PDS5A: variants seen among roughly 807,000 people sequenced by gnomAD.
PDS5A encodes sister chromatid cohesion protein PDS5 homolog A.
In PDS5A, 42 loss-of-function variants were observed where a neutral mutation model predicts 167.1. The observed-to-expected ratio is 0.25, with a 90% CI of 0.20 to 0.33. The LOEUF (loss-of-function observed/expected upper bound fraction) is 0.33, where lower values mean the gene tolerates loss of function less well. Among genes scored for constraint, PDS5A ranks in the 10% least tolerant of loss-of-function variants. The pLI, the probability that PDS5A is intolerant of heterozygous loss-of-function variation, is 1.00. For missense variants in PDS5A, 1,033 were observed against 1,605.9 expected, an observed-to-expected ratio of 0.64 and a Z score of 6.10; for synonymous variants, 553 against 554.6, an observed-to-expected ratio of 1.00 and a Z score of 0.04.
intron 16 of PDS5A, among the ~76,000 whole-genome samples, chr4:39,895,272 G>A (rs1045054981): frequency 2.0e-5 from 3 of 150,454 alleles, no homozygotes; most frequent in East Asian, 2.0e-4. Context: ...TAGAGTGCAC[G>A]CACACAAACC....
chr4:39,825,578 T>G (rs1715221397), intron 32 of PDS5A, 90 bp from the exon 33 acceptor site: 3 of 958,510 alleles, frequency 3.1e-6, no homozygotes. Flanking sequence ...AGTTGTTATC[T>G]AAAATCTTTT....
chr4:39,968,836 C>T (rs889241345), intron 2 of PDS5A, among the ~76,000 whole-genome samples: 3 of 151,430 alleles, frequency 2.0e-5, no homozygotes, highest in Admixed American at 6.6e-5. Context: ...AGTGCAGTGG[C>T]GTGATCTCGG....
In PDS5A at chr4:39,914,167, T is replaced by G. The variant is rs73812019; in HGVS notation, c.877-441A>C. ...AAGTTTTGATATACAAATTTGTTTT[T>G]TTTTTTTTTTTTTTGAGGAGTCTTG... is the stretch of plus-strand genomic sequence containing the variant. On this transcript the variant is annotated intron_variant, in intron 8 of 32. Transcript: ENST00000303538. Among the ~76,000 whole-genome samples, 372 of 150,620 alleles carry G rather than the reference T, an allele frequency of 2.5e-3. 1 individual carries two copies. The highest frequency in any genetic ancestry group is 8.6e-3 in the African/African-American group (352 of 40,938).
chr4:39,948,470 G>A (rs560156714), intron 2 of PDS5A, among the ~76,000 whole-genome samples: 2 of 149,464 alleles, frequency 1.3e-5, no homozygotes, highest in African/African-American at 4.9e-5. Flanking sequence ...GTTTATAGGC[G>A]CCTACCACCA....
chr4:39,928,576 T>C (rs28643320), intron 2 of PDS5A, among the ~76,000 whole-genome samples: 24,803 of 152,182 alleles, frequency 0.16, 2,148 homozygotes, highest in East Asian at 0.29. Context: ...AAAATTGCTA[T>C]TTCATTTCAT....
chr4:39,957,077 C>T (rs1214030751), intron 2 of PDS5A, among the ~76,000 whole-genome samples: 1 of 152,150 alleles, frequency 6.6e-6, no homozygotes, highest in African/African-American at 2.4e-5. Context: ...CAATGATTTT[C>T]TTTTCACACA....
At chr4:39,927,087 TTC>T (rs1336093065) in intron 3 of PDS5A, among the ~76,000 whole-genome samples, 1 of 152,218 alleles carries the variant, frequency 6.6e-6, no homozygotes, top group African/African-American at 2.4e-5. Flanking sequence ...TCTTTAGGCT[TTC>T]TCTTTCAGAG....
At chr4:39,874,980 C>T (rs958037209) in intron 19 of PDS5A, among the ~76,000 whole-genome samples, 1 of 152,182 alleles carries the variant, frequency 6.6e-6, no homozygotes, top group African/African-American at 2.4e-5. Flanking sequence ...TGTTCACATC[C>T]ACCCAAAGAA....
rs571811838 is a variant in PDS5A, at chr4:39,950,736, C to T, written c.139-22572G>A. On this transcript the variant is annotated intron_variant, in intron 2 of 32. Transcript: ENST00000303538. ...CCAAGTAGCTGGGACTACAGGTCTACGCTACCACACCAGGCTAACTTTTGT... is the reference window on the plus strand; with the variant it reads ...CCAAGTAGCTGGGACTACAGGTCTATGCTACCACACCAGGCTAACTTTTGT... 1.5e-4 allele frequency among the ~76,000 whole-genome samples: 23 copies of T among 152,114 alleles called. No individual in the cohort carries two copies. In the South Asian group the frequency reaches 2.3e-3, roughly 15 times the overall value.
chr4:39,933,592 A>G (rs2109751096), intron 2 of PDS5A: 1 of 152,246 alleles, frequency 6.6e-6, no homozygotes, highest in South Asian at 2.1e-4. Flanking sequence ...ATTAAAATAA[A>G]CTGTTTAAAA....
chr4:39,943,253 TTTCAATTTCA>T (rs1251469108), intron 2 of PDS5A, among the ~76,000 whole-genome samples: 5 of 152,078 alleles, frequency 3.3e-5, no homozygotes, highest in Non-Finnish European at 7.4e-5. Flanking sequence ...AAAATATTTC[TTTCAATTTCA>T]TTCAATTTCA....
rs386399870 is a variant in PDS5A at position 39,922,767 on chromosome 4, A to AAC, written c.528-20_528-19insGT. The AAC allele has an allele frequency of 6.8e-7, 1 of 1,460,148 alleles. No homozygotes were observed. Among genetic ancestry groups the AAC allele is most frequent in the Non-Finnish European group, 9.1e-7 (1 of 1,103,892 alleles). 90.4% of individuals were successfully genotyped at this position (1,460,148 alleles called of 1,614,324 possible). On this transcript the variant is annotated intron_variant, in intron 5 of 32. Coordinates refer to ENST00000303538, the MANE Select transcript of PDS5A (RefSeq NM_001100399.2). Reference sequence around the variant, plus strand: ...GCTATTGCTATAAAAAAAAAAAAAAAAGAATAAGTAGTAGGAGGAGGAAAA... The same window carrying AAC: ...GCTATTGCTATAAAAAAAAAAAAAAAACAGAATAAGTAGTAGGAGGAGGAAAA...
chr4:39,962,932 A>G (rs1396219675), intron 2 of PDS5A, among the ~76,000 whole-genome samples: 1 of 152,150 alleles, frequency 6.6e-6, no homozygotes, highest in East Asian at 1.9e-4. Flanking sequence ...ACTGTGCTAC[A>G]GCCTGGGCGA....
rs764479996 is a variant in PDS5A at position 39,849,545 on chromosome 4, G to C, written c.3194C>G (p.Ser1065Cys). Reference sequence around the variant, plus strand: ...TTCATTTGTCTTGGATTCATCTGGAGACTGGGCATCTCTGGTTAACTTGAT... The same window carrying C: ...TTCATTTGTCTTGGATTCATCTGGACACTGGGCATCTCTGGTTAACTTGAT... ...ENIKLTRDAQSPDESKTNEKL... is the reference protein window; with the variant it reads ...ENIKLTRDAQCPDESKTNEKL... Residue 1065 changes from serine (S) to cysteine (C), a missense_variant, in exon 27 of 33, where the codon TCT (serine) becomes TGT (cysteine). Around this residue, in one of 4 missense-constraint regions of PDS5A, gnomAD observed 367 missense variants for 686.7 expected, o/e 0.53. Coordinates refer to ENST00000303538, the MANE Select transcript of PDS5A (RefSeq NM_001100399.2). The C allele has an allele frequency of 6.2e-7, 1 of 1,611,026 alleles. No individual in the cohort carries two copies. Among genetic ancestry groups the C allele is most frequent in the Admixed American group, 1.7e-5 (1 of 59,944 alleles).
At chr4:39,969,888 C>A in intron 2 of PDS5A, among the ~76,000 whole-genome samples, 1 of 151,110 alleles carries the variant, frequency 6.6e-6, no homozygotes, top group Non-Finnish European at 1.5e-5. Flanking sequence ...TACAGAGAAG[C>A]TAAAGAGACA....
At chr4:39,943,652 C>T (rs1334937713) in intron 2 of PDS5A, among the ~76,000 whole-genome samples, 1 of 145,010 alleles carries the variant, frequency 6.9e-6, no homozygotes, top group East Asian at 2.0e-4. Flanking sequence ...ACAAAAAATA[C>T]AAAAATTAGC....
chr4:39,973,234 C>T, intron 2 of PDS5A: 1 of 1,403,472 alleles, frequency 7.1e-7, no homozygotes, highest in South Asian at 1.2e-5. Context: ...AACAGAGTGA[C>T]TCTGGACTCT....
intron 23 of PDS5A, among the ~76,000 whole-genome samples, chr4:39,866,070 G>C (rs746431577): frequency 2.6e-5 from 4 of 152,160 alleles, no homozygotes; most frequent in Admixed American, 6.5e-5. Context: ...AGAACAACAA[G>C]AAGGCTTCAA....
intron 17 of PDS5A, among the ~76,000 whole-genome samples, chr4:39,884,076 G>A (rs181075059): frequency 7.9e-5 from 12 of 152,040 alleles, no homozygotes; most frequent in African/African-American, 1.4e-4. Context: ...TTACAGTTGC[G>A]TGCCACCACG....
Sources: allele counts gnomAD v4.1 joint callset (sites outside exome capture counted in the v4.1 genomes callset), GRCh38; gene constraint gnomAD v4.1.1; regional missense constraint gnomAD v4.1.1; transcripts MANE v1.5; gene names NCBI Gene and HGNC (gene_info 2026-07-23, HGNC 2026-07-21).